MS4A15: variants seen among roughly 807,000 people sequenced by gnomAD.
MS4A15 encodes membrane spanning 4-domains A15.
A neutral mutation model predicts 20.6 loss-of-function variants in MS4A15; 22 were observed. That is an observed-to-expected ratio of 1.07 (90% CI 0.76 to 1.52). MS4A15 has a LOEUF of 1.52. MS4A15 is among the 40% of genes most tolerant of loss of function. The pLI is 0.00. For synonymous variants in MS4A15, 129 were observed against 129.3 expected (o/e 1.00, Z 0.02); for missense variants, 312 against 323.0 (o/e 0.97, Z 0.26).
intron 4 of MS4A15, among the ~76,000 whole-genome samples, chr11:60,772,417 C>T (rs766338717): frequency 6.6e-6 from 1 of 152,296 alleles, no homozygotes; most frequent in African/African-American, 2.4e-5. Flanking sequence ...AGCGAGGACT[C>T]TCCGGACCAA....
chr11:60,760,257 C>T (rs1376206453), intron 1 of MS4A15, among the ~76,000 whole-genome samples: 1 of 152,242 alleles, frequency 6.6e-6, no homozygotes, highest in Non-Finnish European at 1.5e-5. Context: ...GCTGATCATG[C>T]TTTTTTTCCA....
chr11:60,762,943 T>C (rs1054772620), intron 1 of MS4A15, among the ~76,000 whole-genome samples: 1 of 152,144 alleles, frequency 6.6e-6, no homozygotes, highest in Non-Finnish European at 1.5e-5. Flanking sequence ...AGAGCTTTTA[T>C]AAGGTCATAG....
chr11:60,771,649 G>T (rs756487612), intron 4 of MS4A15: 8 of 1,434,162 alleles, frequency 5.6e-6, no homozygotes, highest in Non-Finnish European at 7.4e-6. Flanking sequence ...CTGGGCCTTG[G>T]TGAGCAGAGA....
At chr11:60,769,521 A>G (rs189779235) in intron 3 of MS4A15, among the ~76,000 whole-genome samples, 1 of 152,244 alleles carries the variant, frequency 6.6e-6, no homozygotes, top group East Asian at 1.9e-4. Flanking sequence ...CTCATCAATA[A>G]GACATCATGC....
rs1026045745 is a variant in MS4A15 at position 60,767,257 on chromosome 11, C to A, written c.226-276C>A. On this transcript the variant is annotated intron_variant, in intron 2 of 6. Coordinates refer to ENST00000405633, the MANE Select transcript of MS4A15 (RefSeq NM_001098835.2). ...CTGAGAAAGCCAGGTAGGGACACAG[C>A]GATGCTTGAGATCCATGGATCAGAG... Among the ~76,000 whole-genome samples, 5 of 152,246 alleles carry A rather than the reference C, an allele frequency of 3.3e-5. No individual in the cohort carries two copies. In the East Asian group the frequency reaches 9.7e-4, roughly 29 times the overall value.
chr11:60,763,595 G>A, intron 1 of MS4A15, 111 bp from the exon 2 acceptor site: 2 of 847,580 alleles, frequency 2.4e-6, no homozygotes, highest in Non-Finnish European at 3.7e-6. Context: ...AGAGCGTTTG[G>A]GGCCATACTG....
intron 1 of MS4A15, among the ~76,000 whole-genome samples, chr11:60,758,074 A>G (rs1430702753): frequency 1.3e-5 from 2 of 152,326 alleles, no homozygotes; most frequent in East Asian, 3.9e-4. Context: ...CAGCTGCAGA[A>G]TATACTGTGT....
At chr11:60,771,717 C>T (rs778616997) in intron 4 of MS4A15, 1 of 1,279,664 alleles carries the variant, frequency 7.8e-7, no homozygotes, top group Non-Finnish European at 1.0e-6. Flanking sequence ...TGGGCAGGGT[C>T]GCCACTGAAA....
At chr11:60,772,756 C>A (rs1854074464) in intron 4 of MS4A15, among the ~76,000 whole-genome samples, 1 of 152,108 alleles carries the variant, frequency 6.6e-6, no homozygotes, top group African/African-American at 2.4e-5. Flanking sequence ...GGGATGGTGA[C>A]CCCTGGGTGG....
At position 60,767,464 on chromosome 11, in the gene MS4A15, T is replaced by A. The variant is rs1039292578; in HGVS notation, c.226-69T>A. 3.6e-6 allele frequency: 5 copies of A among 1,406,806 alleles called. No homozygotes were observed. The African/African-American group carries it at 5.9e-5, about 17-fold the overall frequency. 87.1% of individuals were successfully genotyped at this position (1,406,806 alleles called of 1,614,324 possible). On this transcript the variant is annotated intron_variant, in intron 2 of 6. Transcript: ENST00000405633. The stretch of plus-strand genomic sequence containing the variant: ...GGGAGGAGGGCGGGGCCAGCCACGC[T>A]CTCCGCGGGGCCGGCAGGGGGCGGT...
At chr11:60,767,735 A>G in intron 3 of MS4A15, 80 bp downstream of exon 3, 2 of 1,425,320 alleles carry the variant, frequency 1.4e-6, no homozygotes, top group Non-Finnish European at 1.8e-6. Context: ...CACCCCCACC[A>G]TCCTCCTGGG....
intron 6 of MS4A15, 105 bp from the exon 7 acceptor site, chr11:60,775,500 C>T: frequency 1.2e-6 from 1 of 847,172 alleles, no homozygotes; most frequent in South Asian, 1.6e-5. Flanking sequence ...TTGCGGAATT[C>T]AGTACCAGGG....
intron 1 of MS4A15, among the ~76,000 whole-genome samples, chr11:60,760,226 CCTG>C (rs1406261168): frequency 2.6e-5 from 4 of 152,260 alleles, no homozygotes; most frequent in African/African-American, 9.6e-5. Context: ...TGCAGACTCT[CCTG>C]CTTTTTTGCG....
In MS4A15 at chr11:60,775,687, A is replaced by C. The variant is rs1265770744; in HGVS notation, c.695A>C (p.Asn232Thr). ...GCCTCTGCGCCCCCTGCCTATGACA[A>C]TGTGGCATATGCCCAAGGAGTCGTC... is the stretch of plus-strand genomic sequence containing the variant. ...PAASAPPAYD[N>T]VAYAQGVV Residue 232 changes from asparagine to threonine, a missense_variant, in exon 7 of 7, where the codon AAT becomes ACT. Physicochemically the swap from Asn to Thr is moderately conservative, Grantham distance 65. Transcript: ENST00000405633. 1 of 1,613,702 alleles carries C rather than the reference A, an allele frequency of 6.2e-7. No individual in the cohort carries two copies. The highest frequency in any genetic ancestry group is 2.2e-5 in the East Asian group (1 of 44,870).
rs1854181639 is a variant in MS4A15 at position 60,775,855 on chromosome 11, G to A, written c.*140G>A. On this transcript the variant is annotated 3_prime_UTR_variant, in exon 7 of 7. Coordinates refer to ENST00000405633, the MANE Select transcript of MS4A15 (RefSeq NM_001098835.2). ...CACATCTACACATACTCCGGCATCT[G>A]AGTGAAGTGTCCCCAGGGACATCTC... The A allele has an allele frequency of 1.6e-6, 1 of 629,220 alleles. No homozygotes were observed. The highest frequency in any genetic ancestry group is 2.1e-5 in the South Asian group (1 of 48,218). The allele number at this position is 629,220 out of a possible 1,614,324, so 39.0% of individuals were successfully genotyped here. A position where few individuals can be genotyped will look rare whatever the true frequency, so the allele number is the denominator to read the frequency against.
intron 3 of MS4A15, among the ~76,000 whole-genome samples, chr11:60,769,587 G>A (rs56123012): frequency 0.16 from 24,757 of 151,974 alleles, 2,529 homozygotes; most frequent in Admixed American, 0.22. Flanking sequence ...TGACAACTCC[G>A]CTTGATGCTG....
intron 3 of MS4A15, among the ~76,000 whole-genome samples, chr11:60,770,130 G>A (rs763800992): frequency 1.6e-4 from 24 of 152,184 alleles, no homozygotes; most frequent in Non-Finnish European, 3.4e-4. Flanking sequence ...AGGTCCCTGG[G>A]CTATCCTTAT....
At chr11:60,769,329 A>G (rs544496638) in intron 3 of MS4A15, among the ~76,000 whole-genome samples, 80 of 152,306 alleles carry the variant, frequency 5.3e-4, no homozygotes, top group Non-Finnish European at 8.7e-4. Context: ...GCATTTTTCT[A>G]GAAAGCAGGC....
chr11:60,770,577 G>T, intron 3 of MS4A15, among the ~76,000 whole-genome samples: 1 of 150,158 alleles, frequency 6.7e-6, no homozygotes, highest in East Asian at 2.0e-4. Context: ...CAGCCTGTGT[G>T]ACAGAGCAAG....
Sources: allele counts gnomAD v4.1 joint callset (sites outside exome capture counted in the v4.1 genomes callset), GRCh38; gene constraint gnomAD v4.1.1; transcripts MANE v1.5; gene names NCBI Gene and HGNC (gene_info 2026-07-23, HGNC 2026-07-21).